The following IL3RA variants were observed in gnomAD, a reference collection of about 807,000 sequenced individuals.
The protein encoded by IL3RA is interleukin 3 receptor subunit alpha, also known as interleukin-3 receptor subunit alpha.
Under a neutral mutation model 52.3 loss-of-function variants are expected in IL3RA, and 73 were observed. That is an observed-to-expected ratio of 1.40 (90% CI 1.16 to 1.70). The LOEUF (loss-of-function observed/expected upper bound fraction) is 1.70, where lower values mean the gene tolerates loss of function less well. IL3RA is among the 40% of genes most tolerant of loss of function. The pLI, the probability that IL3RA is intolerant of heterozygous loss-of-function variation, is 0.00. For synonymous variants in IL3RA, 260 were observed against 194.0 expected, an observed-to-expected ratio of 1.34 and a Z score of -2.83; for missense variants, 664 against 504.4, an observed-to-expected ratio of 1.32 and a Z score of -3.03.
At chrX:1,379,599 T>G (rs758923348) in intron 10 of IL3RA, among the ~76,000 whole-genome samples, 2 of 152,324 alleles carry the variant, frequency 1.3e-5, no homozygotes, top group Admixed American at 1.3e-4. Context: ...GGTCCTCCCC[T>G]GCCCTGCCCA....
At chrX:1,348,355 A>G in intron 3 of IL3RA, 76 bp from the exon 4 acceptor site, 1 of 1,230,294 alleles carries the variant, frequency 8.1e-7, no homozygotes, top group Non-Finnish European at 1.2e-6. Flanking sequence ...CTCTGCCTCA[A>G]AAAAAATCTG....
At position 1,345,198 on chromosome X, in the gene IL3RA, C is replaced by G. The variant is rs141419317; in HGVS notation, c.65-118C>G. 2.1e-3 allele frequency: 1,297 copies of G among 611,758 alleles called. 32 individuals are homozygous for G. In the African/African-American group the frequency reaches 0.021, roughly 10 times the overall value. The allele number at this position is 611,758 out of a possible 1,614,324, so 37.9% of individuals were successfully genotyped here. ...AATTTAAAAAAATTAAATAAAAGAACTCCACCTCCCAAAGGTATTGGCTAA... is the reference window on the plus strand; with the variant it reads ...AATTTAAAAAAATTAAATAAAAGAAGTCCACCTCCCAAAGGTATTGGCTAA... On this transcript the variant is annotated intron_variant, in intron 2 of 11. Transcript: ENST00000331035.
At chrX:1,374,180 AAT>A (rs1307238343) in intron 9 of IL3RA, among the ~76,000 whole-genome samples, 1 of 19,448 alleles carries the variant, frequency 5.1e-5, no homozygotes, top group Non-Finnish European at 7.8e-5. Context: ...TGGGAGAATC[AAT>A]GTGTTTTGTT....
At chrX:1,359,421 C>T (rs1467090897) in intron 8 of IL3RA, among the ~76,000 whole-genome samples, 34 of 152,078 alleles carry the variant, frequency 2.2e-4, no homozygotes, top group African/African-American at 8.0e-4. Flanking sequence ...CTGTCCATCT[C>T]TTTCCCCGTA....
Position 1,348,473 on chromosome X carries a change from T to A in IL3RA, c.226T>A (p.Cys76Ser), listed in dbSNP as rs780433083. ...TTGCCAGTTTGGAGCAATTTCCTTA[T>A]GTGAAGTGACCAACTACACCGTCCG... ...SYCQFGAISL[C>S]EVTNYTVRVA... Residue 76 changes from cysteine to serine, a missense_variant, in exon 4 of 12, where the codon TGT becomes AGT. Cys to Ser is a moderately radical substitution (Grantham distance 112). Transcript: ENST00000331035. 1.4e-5 allele frequency: 22 copies of A among 1,613,920 alleles called. No homozygotes were observed. The South Asian group carries it at 2.2e-4, about 16-fold the overall frequency.
intron 10 of IL3RA, among the ~76,000 whole-genome samples, chrX:1,380,140 C>T (rs1202155238): frequency 2.0e-5 from 3 of 151,532 alleles, no homozygotes; most frequent in Non-Finnish European, 4.4e-5. Flanking sequence ...TTGATCTGCC[C>T]GCCTGGGCCT....
intron 4 of IL3RA, among the ~76,000 whole-genome samples, chrX:1,348,750 C>A (rs2085935072): frequency 7.2e-6 from 1 of 139,518 alleles, no homozygotes; most frequent in Non-Finnish European, 1.6e-5. Flanking sequence ...TTCTTTCCTT[C>A]TTTCCTCTCT....
intron 9 of IL3RA, 55 bp from the exon 10 acceptor site, chrX:1,378,604 C>G (rs1455366675): frequency 2.7e-6 from 4 of 1,472,522 alleles, no homozygotes; most frequent in Non-Finnish European, 3.8e-6. Flanking sequence ...GCTTACAGTC[C>G]CTGGTCCCCC....
In IL3RA at chrX:1,345,428, T is replaced by G. The variant is rs763918632; in HGVS notation, c.177T>G (p.Ser59=). 1.9e-6 allele frequency: 3 copies of G among 1,579,346 alleles called. No individual in the cohort carries two copies. Among genetic ancestry groups the G allele is most frequent in the Non-Finnish European group, 2.6e-6 (3 of 1,154,432 alleles). ...AGTGTGTTAAAGACGCCGACTATTC[T>G]ATGCCGGTAAATCATACTCTCTATT... ...DIECVKDADY[S]MPAVNNSYCQ... The change falls in exon 3 of 12, where the codon TCT becomes TCG. Residue 59 remains serine, a synonymous_variant. Coordinates refer to ENST00000331035, the MANE Select transcript of IL3RA (RefSeq NM_002183.4).
At position 1,378,656 on chromosome X, in the gene IL3RA, T is replaced by C; in HGVS notation, c.875-3T>C. 2 of 1,611,696 alleles carry C rather than the reference T, an allele frequency of 1.2e-6. No individual in the cohort carries two copies. Among genetic ancestry groups the C allele is most frequent in the Non-Finnish European group, 1.7e-6 (2 of 1,179,430 alleles). ...CTGTGACCCTCTCACCCTTTACCCC[T>C]AGAGTGCGACCAGGAGGAGGGCGCA... On this transcript the variant is annotated splice_polypyrimidine_tract_variant and splice_region_variant and intron_variant, in intron 9 of 11. Transcript: ENST00000331035.
intron 9 of IL3RA, among the ~76,000 whole-genome samples, chrX:1,377,249 C>G (rs1157139506): frequency 2.0e-5 from 3 of 151,344 alleles, no homozygotes; most frequent in Non-Finnish European, 4.4e-5. Context: ...TCTTTTTTTT[C>G]CTCTTTTTCT....
At position 1,352,195 on chromosome X, in the gene IL3RA, G is replaced by A. The variant is rs149573289; in HGVS notation, c.394G>A (p.Ala132Thr). 1.2e-3 allele frequency: 1,905 copies of A among 1,613,746 alleles called. 15 individuals are homozygous for A. The Middle Eastern group carries it at 0.031, about 27-fold the overall frequency. ...CSWAVGPGAP[A>T]DVQYDLYLNV... is the part of the protein sequence containing the mutation. ...CTGGGCGGTAGGCCCGGGGGCCCCC[G>A]CGGACGTCCAGTACGACCTGTACTT... The change falls in exon 5 of 12, where the codon GCG becomes ACG. Residue 132 changes from alanine (A) to threonine (T), a missense_variant. Transcript: ENST00000331035.
At chrX:1,339,071 C>T (rs2085396475) in intron 1 of IL3RA, among the ~76,000 whole-genome samples, 1 of 152,016 alleles carries the variant, frequency 6.6e-6, no homozygotes, top group Non-Finnish European at 1.5e-5. Flanking sequence ...AACTCCTGAC[C>T]TCAAGCAATC....
chrX:1,349,001 TTCCCCTCCTC>T (rs1334379733), intron 4 of IL3RA, among the ~76,000 whole-genome samples: 1 of 134,748 alleles, frequency 7.4e-6, no homozygotes, highest in East Asian at 2.5e-4. Context: ...CTCCCCTCCC[TTCCCCTCCTC>T]TCCCCTCTCC....
At chrX:1,380,995 G>A in intron 10 of IL3RA, 28 bp from the exon 11 acceptor site, 2 of 1,603,776 alleles carry the variant, frequency 1.2e-6, no homozygotes, top group East Asian at 2.2e-5. Context: ...TTTGGGTTCA[G>A]AGCTGGGCCA....
rs2089228892 is a variant in IL3RA at position 1,382,489 on chromosome X, G to A, written c.*24G>A. 1 of 1,609,922 alleles carries A rather than the reference G, an allele frequency of 6.2e-7. No homozygotes were observed. Among genetic ancestry groups the A allele is most frequent in the East Asian group, 2.2e-5 (1 of 44,860 alleles). On this transcript the variant is annotated 3_prime_UTR_variant, in exon 12 of 12. Coordinates refer to ENST00000331035, the MANE Select transcript of IL3RA (RefSeq NM_002183.4). ...GAGACTGGGGTTCAGGGCTTGTGGG[G>A]GTCTGCCTCAATCTCCCTGGCCGGG...
chrX:1,348,087 C>G (rs1253487779), intron 3 of IL3RA, among the ~76,000 whole-genome samples: 1 of 149,584 alleles, frequency 6.7e-6, no homozygotes, highest in Admixed American at 6.7e-5. Flanking sequence ...TGGCTCACGC[C>G]TGTAATCCCA....
At chrX:1,351,155 C>T (rs1194042640) in intron 4 of IL3RA, among the ~76,000 whole-genome samples, 2 of 151,404 alleles carry the variant, frequency 1.3e-5, no homozygotes, top group Non-Finnish European at 2.9e-5. Flanking sequence ...TGCAGTGAGC[C>T]GAGATGGCGC....
chrX:1,353,606 AGGTCCCATCATG>A (rs2086312893), intron 6 of IL3RA, among the ~76,000 whole-genome samples: 1 of 55,550 alleles, frequency 1.8e-5, no homozygotes, highest in Admixed American at 1.7e-4. Context: ...CCCCCATCAT[AGGTCCCATCATG>A]GGTCATGGGA....
Sources: gnomAD v4.1 joint callset for allele counts (sites outside exome capture counted in the v4.1 genomes callset) on GRCh38, gnomAD v4.1.1 for gene constraint, MANE v1.5 for transcripts, NCBI Gene and HGNC (gene_info 2026-07-23, HGNC 2026-07-21) for gene names.